Variants in MIB1 observed in about 807,000 individuals in gnomAD.
MIB1 encodes E3 ubiquitin-protein ligase MIB1.
Under a neutral mutation model 124.5 loss-of-function variants are expected in MIB1, and 278 were observed. That is an observed-to-expected ratio of 2.23 (90% confidence interval 2.02 to 2.47). The LOEUF is 2.47. MIB1 is among the 30% of genes most tolerant of loss of function. The pLI, the probability that MIB1 is intolerant of heterozygous loss-of-function variation, is 0.00. For synonymous variants in MIB1, 446 were observed against 429.4 expected (o/e 1.04, Z -0.48); for missense variants, 957 against 1,254.4 (o/e 0.76, Z 3.58).
intron 18 of MIB1, among the ~76,000 whole-genome samples, chr18:21,856,542 T>C (rs2042230600): frequency 6.6e-6 from 1 of 152,162 alleles, no homozygotes; most frequent in Non-Finnish European, 1.5e-5. Context: ...AAAATGTTTT[T>C]AGAAAATTAT....
chr18:21,731,206 G>A (rs1183710962), intron 1 of MIB1, among the ~76,000 whole-genome samples: 1 of 152,158 alleles, frequency 6.6e-6, no homozygotes, highest in African/African-American at 2.4e-5. Flanking sequence ...AGTTTCTGGG[G>A]TGCAGTGACT....
Position 21,741,452 on chromosome 18 carries a change from C to G in MIB1, c.-132C>G, listed in dbSNP as rs2040849122. ...CGCCGCCGCCCCCGTGAGTTATTCTCACGTCCCCCGGGGCTCGCTGCCGCC... is the reference window on the plus strand; with the variant it reads ...CGCCGCCGCCCCCGTGAGTTATTCTGACGTCCCCCGGGGCTCGCTGCCGCC... On this transcript the variant is annotated 5_prime_UTR_variant, in exon 1 of 21. Coordinates refer to ENST00000261537, the MANE Select transcript of MIB1 (RefSeq NM_020774.4). The surrounding 1 kb of genome is among the most constrained non-coding windows in gnomAD (Gnocchi z 5.4). 2.3e-6 allele frequency: 1 copy of G among 441,526 alleles called. No homozygotes were observed. 27.4% of individuals were successfully genotyped at this position (441,526 alleles called of 1,614,324 possible).
Position 21,785,295 on chromosome 18 carries a change from T to A in MIB1, c.908+5610T>A, listed in dbSNP as rs1176538330. 2.0e-5 allele frequency among the ~76,000 whole-genome samples: 3 copies of A among 152,180 alleles called. No individual in the cohort carries two copies. The South Asian group carries it at 6.2e-4, about 32-fold the overall frequency. ...GCCGCTACCGGTCTCCGCGTCTTGG[T>A]GGTAGTGGTACCCCAAGCCCAGCTG... On this transcript the variant is annotated intron_variant, in intron 6 of 20. Coordinates refer to ENST00000261537, the MANE Select transcript of MIB1 (RefSeq NM_020774.4).
chr18:21,744,102 T>G (rs942500278), intron 1 of MIB1, among the ~76,000 whole-genome samples: 2 of 149,938 alleles, frequency 1.3e-5, no homozygotes, highest in African/African-American at 4.9e-5. Flanking sequence ...TCAGGGTTTT[T>G]TTTTTTTTTT....
chr18:21,774,943 T>TTATTTATG, intron 4 of MIB1, among the ~76,000 whole-genome samples: 1 of 149,674 alleles, frequency 6.7e-6, no homozygotes, highest in African/African-American at 2.5e-5. Context: ...ATTTATTTAT[T>TTATTTATG]TATTTATTTA....
intron 9 of MIB1, among the ~76,000 whole-genome samples, chr18:21,803,539 GTT>G (rs1165590520): frequency 2.0e-5 from 3 of 152,084 alleles, no homozygotes; most frequent in South Asian, 2.1e-4. Flanking sequence ...TTTTCTAAAA[GTT>G]TTCTTTTCAC....
At chr18:21,830,509 GT>G (rs1373636148) in intron 12 of MIB1, 5 of 152,088 alleles carry the variant, frequency 3.3e-5, no homozygotes, top group Non-Finnish European at 7.4e-5. Context: ...TTAGGCTATG[GT>G]TAGATAGAAT....
chr18:21,792,568 A>G (rs1196342073), intron 7 of MIB1, among the ~76,000 whole-genome samples: 1 of 152,216 alleles, frequency 6.6e-6, no homozygotes, highest in Non-Finnish European at 1.5e-5. Context: ...AGGCAGGGCT[A>G]CAATAGTGAA....
At chr18:21,770,670 C>G (rs1376034892) in intron 3 of MIB1, among the ~76,000 whole-genome samples, 1 of 151,880 alleles carries the variant, frequency 6.6e-6, no homozygotes, top group Admixed American at 6.6e-5. Context: ...TCTTTTAAAG[C>G]TGTTTGTTTT....
intron 1 of MIB1, among the ~76,000 whole-genome samples, chr18:21,731,847 A>G (rs1199983285): frequency 6.6e-6 from 1 of 152,076 alleles, no homozygotes; most frequent in Non-Finnish European, 1.5e-5. Flanking sequence ...GATAAATATT[A>G]AAAACGCAAA....
intron 12 of MIB1, chr18:21,826,754 T>C (rs917664288): frequency 4.6e-5 from 7 of 152,070 alleles, no homozygotes; most frequent in African/African-American, 1.2e-4. Context: ...CAGAGAAATA[T>C]AGAGTAGAGA....
At position 21,803,983 on chromosome 18, in the gene MIB1, T is replaced by A. The variant is rs1354940095; in HGVS notation, c.1448T>A (p.Leu483His). 6.2e-7 allele frequency: 1 copy of A among 1,613,690 alleles called. No homozygotes were observed. ...QNGHVDILKL[L>H]LKQNVDVEAE... ...GGACATGTTGACATTTTGAAGTTAC[T>A]TTTGAAGCAAAACGTGGATGTCGAA... Residue 483 changes from leucine (L) to histidine (H), a missense_variant, in exon 10 of 21, where the codon CTT becomes CAT. Transcript: ENST00000261537.
chr18:21,749,932 A>G (rs2040955343), intron 1 of MIB1, among the ~76,000 whole-genome samples: 1 of 151,162 alleles, frequency 6.6e-6, no homozygotes, highest in African/African-American at 2.4e-5. Flanking sequence ...ATGAGCCATC[A>G]CACCTGGCTG....
chr18:21,860,605 G>A (rs1225100985), intron 20 of MIB1, among the ~76,000 whole-genome samples: 4 of 152,162 alleles, frequency 2.6e-5, no homozygotes, highest in African/African-American at 9.7e-5. Context: ...CAGTTCTTTA[G>A]TTTGGCCAAT....
chr18:21,705,103 A>C, exon 1 of MIB1: 1 of 155,830 alleles, frequency 6.4e-6, no homozygotes, highest in Non-Finnish European at 1.4e-5. Context: ...GTGTCCCTAA[A>C]CTAGCAGTTT....
chr18:21,779,814 C>G (rs2041337449), intron 6 of MIB1, 129 bp downstream of exon 6: 2 of 704,814 alleles, frequency 2.8e-6, no homozygotes, highest in Non-Finnish European at 4.9e-6. Flanking sequence ...AAGTAAAAAT[C>G]CAGAATATAT....
chr18:21,799,935 T>C lies in MIB1; in HGVS notation c.1332T>C (p.Val444=). 6.2e-7 allele frequency: 1 copy of C among 1,612,304 alleles called. No homozygotes were observed. The highest frequency in any genetic ancestry group is 8.5e-7 in the Non-Finnish European group (1 of 1,178,794). Residue 444 remains valine, a synonymous_variant, in exon 9 of 21, where the codon GTT becomes GTC. Transcript: ENST00000261537. ...TTAAGGCTGCTGCCAATGGAGATGT[T>C]GCTAAAGTGGAAGATTTGCTTAAAA... ...ELVKAAANGD[V]AKVEDLLKRP...
Position 21,741,503 on chromosome 18 carries a change from G to C in MIB1, c.-81G>C, listed in dbSNP as rs1049553695. On this transcript the variant is annotated 5_prime_UTR_variant, in exon 1 of 21. Coordinates refer to ENST00000261537, the MANE Select transcript of MIB1 (RefSeq NM_020774.4). This position sits in a 1 kb window ranked among gnomAD's most constrained non-coding sequence, Gnocchi z 5.4. ...CCCGCCGACGCCTAGAGTCCGGCCC[G>C]GGCCCAACTCCCTCACGGGCCCCCC... The C allele has an allele frequency of 5.1e-6, 5 of 972,000 alleles. No individual in the cohort carries two copies. In the African/African-American group the frequency reaches 5.3e-5, roughly 10 times the overall value. The allele number at this position is 972,000 out of a possible 1,614,324, so 60.2% of individuals were successfully genotyped here. A position where few individuals can be genotyped will look rare whatever the true frequency, so the allele number is the denominator to read the frequency against.
chr18:21,797,969 A>G (rs1246944880), intron 7 of MIB1, 115 bp from the exon 8 acceptor site: 4 of 965,406 alleles, frequency 4.1e-6, no homozygotes, highest in Admixed American at 2.3e-5. Flanking sequence ...TTATCCTTTG[A>G]AAGTTTTTTC....
Sources: allele counts gnomAD v4.1 joint callset (sites outside exome capture counted in the v4.1 genomes callset), GRCh38; gene constraint gnomAD v4.1.1; non-coding constraint Gnocchi (gnomAD v3.1); transcripts MANE v1.5; gene names NCBI Gene and HGNC (gene_info 2026-07-23, HGNC 2026-07-21).